The following GSN variants were observed in gnomAD, a reference collection of about 807,000 sequenced individuals.
GSN encodes the protein actin-depolymerizing factor.
Under a neutral mutation model 85.7 loss-of-function variants are expected in GSN, and 56 were observed. That is an observed-to-expected ratio of 0.65 (90% CI 0.53 to 0.82). GSN has a LOEUF of 0.82. Among genes scored for constraint, GSN ranks in the 40% least tolerant of loss-of-function variants. The pLI is 0.00. For synonymous variants in GSN, 373 were observed against 399.1 expected, an observed-to-expected ratio of 0.93 and a Z score of 0.78; for missense variants, 857 against 979.8, an observed-to-expected ratio of 0.87 and a Z score of 1.67.
chr9:121,309,404 G>C (rs1310081191), intron 4 of GSN: 1 of 152,266 alleles, frequency 6.6e-6, no homozygotes, highest in Non-Finnish European at 1.5e-5. Context: ...CTTCAGAAAG[G>C]AGAGGCCTGA....
chr9:121,202,169 C>T, the GSN span, among the ~76,000 whole-genome samples: 1 of 152,346 alleles, frequency 6.6e-6, no homozygotes, highest in East Asian at 1.9e-4. Context: ...GTGGGGTGCG[C>T]CTGCGTCTTG....
In GSN at chr9:121,331,406, A is replaced by T; in HGVS notation, c.1984A>T (p.Lys662Ter). The part of the protein sequence containing the change: ...TWDQVFVWVG[K>*]DSQEEEKTEA... ...CCTCCAGGTCTTTGTCTGGGTTGGA[A>T]AGGATTCTCAAGAAGAAGAAAAGAC... The change falls in exon 17 of 18, where the codon AAG becomes TAG. Residue 662 changes from lysine (K) to a stop codon, truncating the protein, a stop_gained. Coordinates refer to ENST00000432226, the MANE Select transcript of GSN (RefSeq NM_198252.3). LOFTEE classifies it high-confidence loss of function. 1 of 1,601,392 alleles carries T rather than the reference A, an allele frequency of 6.2e-7. No individual in the cohort carries two copies. Among genetic ancestry groups the T allele is most frequent in the Non-Finnish European group, 8.5e-7 (1 of 1,171,880 alleles).
chr9:121,316,656 A>C (rs868430492), intron 7 of GSN, among the ~76,000 whole-genome samples: 56 of 152,220 alleles, frequency 3.7e-4, no homozygotes, highest in African/African-American at 1.1e-3. Flanking sequence ...TTTTTTGTAG[A>C]GATGGGATCT....
chr9:121,325,190 C>T (rs1301046820), intron 12 of GSN, among the ~76,000 whole-genome samples: 3 of 152,170 alleles, frequency 2.0e-5, no homozygotes, highest in African/African-American at 7.2e-5. Context: ...TCATGCCTGC[C>T]ATATAAGAAG....
chr9:121,252,465 T>C (rs1329646649), intron 6 of GSN, among the ~76,000 whole-genome samples: 1 of 152,260 alleles, frequency 6.6e-6, no homozygotes, highest in Non-Finnish European at 1.5e-5. Flanking sequence ...CGGAGACATT[T>C]ACTGTTCACC....
intron 4 of GSN, among the ~76,000 whole-genome samples, chr9:121,225,249 A>T (rs2054251299): frequency 6.6e-6 from 1 of 150,452 alleles, no homozygotes. Context: ...TAAAATGTCT[A>T]CATGACAAAA....
intron 2 of GSN, among the ~76,000 whole-genome samples, chr9:121,287,698 T>C (rs1789805082): frequency 6.6e-6 from 1 of 152,078 alleles, no homozygotes; most frequent in Non-Finnish European, 1.5e-5. Flanking sequence ...TTTTCTTTTT[T>C]TTTTAAAAAC....
At chr9:121,210,385 T>C (rs1176949273) in intron 3 of GSN, 3 of 152,248 alleles carry the variant, frequency 2.0e-5, no homozygotes, top group Admixed American at 6.5e-5. Context: ...ACATCACTTA[T>C]GCTCAAATTT....
intron 4 of GSN, 150 bp from the exon 5 acceptor site, chr9:121,310,534 A>G: frequency 1.4e-6 from 1 of 738,922 alleles, no homozygotes; most frequent in East Asian, 2.7e-5. Flanking sequence ...ATGGGTATGA[A>G]AGTCCTGAGT....
intron 4 of GSN, among the ~76,000 whole-genome samples, chr9:121,224,197 C>CG (rs1242906277): frequency 1.3e-5 from 2 of 150,946 alleles, no homozygotes; most frequent in African/African-American, 4.9e-5. Context: ...CCCATGTTCA[C>CG]GCCATTCTCC....
At chr9:121,276,205 T>C (rs2056648621) in intron 1 of GSN, among the ~76,000 whole-genome samples, 1 of 152,262 alleles carries the variant, frequency 6.6e-6, no homozygotes, top group African/African-American at 2.4e-5. Context: ...TATTCCCAAA[T>C]CAACCATTTG....
At position 121,325,890 on chromosome 9, in the gene GSN, C is replaced by G. The variant is rs140954482; in HGVS notation, c.1417-622C>G. Among the ~76,000 whole-genome samples, 193 of 152,204 alleles carry G rather than the reference C, an allele frequency of 1.3e-3. 4 individuals carry two copies. Among genetic ancestry groups the G allele is most frequent in the Admixed American group, 0.01 (157 of 15,280 alleles). On this transcript the variant is annotated intron_variant, in intron 12 of 17. Coordinates refer to ENST00000432226, the MANE Select transcript of GSN (RefSeq NM_198252.3). Reference sequence around the variant, plus strand: ...GGTGGAGTTGGGGTCTAAGCCCTAACTCAGCGGTGGTGGGTCGTGGTGGGA... The same window carrying G: ...GGTGGAGTTGGGGTCTAAGCCCTAAGTCAGCGGTGGTGGGTCGTGGTGGGA...
At chr9:121,216,506 C>T (rs1284985462) in intron 4 of GSN, among the ~76,000 whole-genome samples, 3 of 152,278 alleles carry the variant, frequency 2.0e-5, no homozygotes, top group Non-Finnish European at 2.9e-5. Flanking sequence ...CTATATTTCC[C>T]CCAGAAACAG....
chr9:121,299,752 G>GGA lies in GSN; in HGVS notation c.-9-2211_-9-2210insGA. 8.8e-7 allele frequency: 1 copy of GGA among 1,132,530 alleles called. No individual in the cohort carries two copies. Among genetic ancestry groups the GGA allele is most frequent in the Non-Finnish European group, 1.1e-6 (1 of 908,656 alleles). 70.2% of individuals were successfully genotyped at this position (1,132,530 alleles called of 1,614,324 possible). On this transcript the variant is annotated intron_variant, in intron 2 of 17. Coordinates refer to ENST00000432226, the MANE Select transcript of GSN (RefSeq NM_198252.3). The surrounding 1 kb of genome is among the most constrained non-coding windows in gnomAD (Gnocchi z 4.2). ...GATCCGAGACAGATCCCCGCCCCGC[G>GGA]CCCTCCCTGGGGGGCGGTCCCCGGC...
At position 121,332,370 on chromosome 9, in the gene GSN, T is replaced by C; in HGVS notation, c.2027-64T>C. 1 of 1,400,482 alleles carries C rather than the reference T, an allele frequency of 7.1e-7. No homozygotes were observed. 86.8% of individuals were successfully genotyped at this position (1,400,482 alleles called of 1,614,324 possible). A position where few individuals can be genotyped will look rare whatever the true frequency, so the allele number is the denominator to read the frequency against. On this transcript the variant is annotated intron_variant, in intron 17 of 17. Transcript: ENST00000432226. This position sits in a 1 kb window ranked among gnomAD's most constrained non-coding sequence, Gnocchi z 4.8. ...TGTCAACTCCTGTCCTGAGTCACCCTCTCCCTGGTGTGGGAGGCACTAAGA... is the reference window on the plus strand; with the variant it reads ...TGTCAACTCCTGTCCTGAGTCACCCCCTCCCTGGTGTGGGAGGCACTAAGA...
chr9:121,202,419 C>T, the GSN span, among the ~76,000 whole-genome samples: 1 of 152,196 alleles, frequency 6.6e-6, no homozygotes, highest in Non-Finnish European at 1.5e-5. Flanking sequence ...AACTGAGGCT[C>T]AGGTTGGTCA....
At chr9:121,235,630 A>G (rs553355007) in intron 5 of GSN, among the ~76,000 whole-genome samples, 1 of 152,162 alleles carries the variant, frequency 6.6e-6, no homozygotes, top group Non-Finnish European at 1.5e-5. Context: ...ATTCTTCCCC[A>G]GGGCAGTGTT....
intron 5 of GSN, among the ~76,000 whole-genome samples, chr9:121,246,456 A>G (rs1301311381): frequency 6.6e-6 from 1 of 152,180 alleles, no homozygotes; most frequent in Non-Finnish European, 1.5e-5. Context: ...TGAGGCAATT[A>G]TCATGGACAC....
intron 7 of GSN, among the ~76,000 whole-genome samples, chr9:121,315,199 T>C (rs549181506): frequency 6.6e-6 from 1 of 152,362 alleles, no homozygotes; most frequent in East Asian, 1.9e-4. Context: ...CTATTCATGC[T>C]GTTGTGTGGT....
Sources: allele counts gnomAD v4.1 joint callset (sites outside exome capture counted in the v4.1 genomes callset), GRCh38; gene constraint gnomAD v4.1.1; non-coding constraint Gnocchi (gnomAD v3.1); transcripts MANE v1.5; gene names NCBI Gene and HGNC (gene_info 2026-07-23, HGNC 2026-07-21).